Variants in FUT4 observed in about 807,000 individuals in gnomAD.
FUT4 encodes the protein alpha-(1,3)-fucosyltransferase 4.
A neutral mutation model predicts 3.8 loss-of-function variants in FUT4; 1 was observed. The observed-to-expected ratio is 0.26, with a 90% CI of 0.09 to 1.25. The LOEUF (loss-of-function observed/expected upper bound fraction) is 1.25, where lower values mean the gene tolerates loss of function less well. FUT4 is among the 50% of genes most tolerant of loss of function. FUT4 has a pLI of 0.47. For missense variants in FUT4, 880 were observed against 768.2 expected (o/e 1.15, Z -1.72); for synonymous variants, 417 against 355.3 (o/e 1.17, Z -1.95).
Position 94,546,743 on chromosome 11 carries a change from G to A in FUT4, c.*1017G>A, listed in dbSNP as rs566485906. On this transcript the variant is annotated 3_prime_UTR_variant, in exon 1 of 1. Coordinates refer to ENST00000358752, the MANE Select transcript of FUT4 (RefSeq NM_002033.4). ...ACCTGAAATTTAAACTGCAATGCCA[G>A]TCCTGCAGGAGTGCTGGCATTACCC... The A allele has an allele frequency of 1.2e-5, 2 of 167,074 alleles. No individual in the cohort carries two copies. Among genetic ancestry groups the A allele is most frequent in the South Asian group, 4.1e-4 (2 of 4,828 alleles). The allele number at this position is 167,074 out of a possible 1,614,324, so 10.3% of individuals were successfully genotyped here.
Position 94,544,399 on chromosome 11 carries a change from G to A in FUT4, c.266G>A (p.Ser89Asn), listed in dbSNP as rs1947832322. The change falls in exon 1 of 1, where the codon AGC (serine) becomes AAC (asparagine). Residue 89 changes from serine (S) to asparagine (N), a missense_variant. By Grantham distance (46) the Ser-to-Asn change is conservative (BLOSUM62 1). This residue lies in a region of FUT4 where 447 missense variants were observed against 339.5 expected (regional missense o/e 1.32). Coordinates refer to ENST00000358752, the MANE Select transcript of FUT4 (RefSeq NM_002033.4). Reference sequence around the variant, plus strand: ...ACCGCCCCCTTCCATTCCCGGGCCAGCGGCGAGCGGCAGCGACGGCTGGAG... The same window carrying A: ...ACCGCCCCCTTCCATTCCCGGGCCAACGGCGAGCGGCAGCGACGGCTGGAG... Reference protein sequence around the residue: ...SGTAPFHSRASGERQRRLEPQ... With the variant: ...SGTAPFHSRANGERQRRLEPQ... The A allele has an allele frequency of 5.2e-6, 8 of 1,533,818 alleles. No homozygotes were observed. The highest frequency in any genetic ancestry group is 7.0e-6 in the Non-Finnish European group (8 of 1,148,236).
At position 94,549,071 on chromosome 11, in the gene FUT4, A is replaced by C. The variant is rs970124130; in HGVS notation, c.*3345A>C. 1.2e-5 allele frequency: 2 copies of C among 167,060 alleles called. No homozygotes were observed. The highest frequency in any genetic ancestry group is 4.8e-5 in the African/African-American group (2 of 41,450). 10.3% of individuals were successfully genotyped at this position (167,060 alleles called of 1,614,324 possible). A position where few individuals can be genotyped will look rare whatever the true frequency, so the allele number is the denominator to read the frequency against. The stretch of plus-strand genomic sequence containing the variant: ...CCTATCCCCCTACAAAACAAAGATT[A>C]AATGTGATGATGTATGCCAAGGTGC... On this transcript the variant is annotated 3_prime_UTR_variant, in exon 1 of 1. Transcript: ENST00000358752.
In FUT4 at chr11:94,544,057, C is replaced by T; in HGVS notation, c.-77C>T. The stretch of plus-strand genomic sequence containing the variant: ...CCCTCTGGAAGGCGAGGGTTCGGGC[C>T]ACAGTGAGCGAGGGCCAGGGCGGTG... On this transcript the variant is annotated 5_prime_UTR_variant, in exon 1 of 1. Transcript: ENST00000358752. 7.4e-7 allele frequency: 1 copy of T among 1,350,248 alleles called. No individual in the cohort carries two copies. Among genetic ancestry groups the T allele is most frequent in the Non-Finnish European group, 9.5e-7 (1 of 1,050,128 alleles). 83.6% of individuals were successfully genotyped at this position (1,350,248 alleles called of 1,614,324 possible). A position where few individuals can be genotyped will look rare whatever the true frequency, so the allele number is the denominator to read the frequency against.
In FUT4 at chr11:94,544,733, G is replaced by C. The variant is rs759396940; in HGVS notation, c.600G>C (p.Gly200=). The C allele has an allele frequency of 6.4e-6, 10 of 1,558,592 alleles. No homozygotes were observed. Among genetic ancestry groups the C allele is most frequent in the Non-Finnish European group, 8.6e-6 (10 of 1,161,944 alleles). The change falls in exon 1 of 1, where the codon GGG becomes GGC. Residue 200 remains glycine, a synonymous_variant. Transcript: ENST00000358752. Reference sequence around the variant, plus strand: ...TGCTGTGGTGGGAGCCCTTCGGGGGGCGCGATAGCGCCCCGAGGCCGCCCC... The same window carrying C: ...TGCTGTGGTGGGAGCCCTTCGGGGGCCGCGATAGCGCCCCGAGGCCGCCCC... ...GVLLWWEPFG[G]RDSAPRPPPD...
chr11:94,544,758 C>A lies in FUT4; in HGVS notation c.625C>A (p.Pro209Thr). ...GCGCGATAGCGCCCCGAGGCCGCCC[C>A]CTGACTGCCGGCTGCGCTTCAACAT... ...GGRDSAPRPP[P>T]DCRLRFNISG... Residue 209 changes from proline to threonine, a missense_variant, in exon 1 of 1, where the codon CCT becomes ACT. Pro to Thr is a conservative substitution (Grantham distance 38). Coordinates refer to ENST00000358752, the MANE Select transcript of FUT4 (RefSeq NM_002033.4). The A allele has an allele frequency of 6.4e-7, 1 of 1,572,798 alleles. No homozygotes were observed. Among genetic ancestry groups the A allele is most frequent in the Non-Finnish European group, 8.6e-7 (1 of 1,167,522 alleles).
At position 94,544,738 on chromosome 11, in the gene FUT4, A is replaced by G. The variant is rs1266470230; in HGVS notation, c.605A>G (p.Asp202Gly). 7 of 1,559,308 alleles carry G rather than the reference A, an allele frequency of 4.5e-6. No individual in the cohort carries two copies. The highest frequency in any genetic ancestry group is 1.2e-5 in the South Asian group (1 of 86,378). ...TGGTGGGAGCCCTTCGGGGGGCGCG[A>G]TAGCGCCCCGAGGCCGCCCCCTGAC... ...LLWWEPFGGR[D>G]SAPRPPPDCR... The change falls in exon 1 of 1, where the codon GAT (aspartate) becomes GGT (glycine). Residue 202 changes from aspartate to glycine, a missense_variant. Coordinates refer to ENST00000358752, the MANE Select transcript of FUT4 (RefSeq NM_002033.4).
At position 94,545,822 on chromosome 11, in the gene FUT4, AG is replaced by A; in HGVS notation, c.*97del. The A allele has an allele frequency of 7.1e-7, 1 of 1,411,952 alleles. No homozygotes were observed. The highest frequency in any genetic ancestry group is 9.8e-7 in the Non-Finnish European group (1 of 1,020,750). The allele number at this position is 1,411,952 out of a possible 1,614,324, so 87.5% of individuals were successfully genotyped here. ...CCTTGACTGCCGCATCATGGGAGTAAGTTCTTCAAACACCCATTTTTGCTCT... is the reference window on the plus strand; with the variant it reads ...CCTTGACTGCCGCATCATGGGAGTAATTCTTCAAACACCCATTTTTGCTCT... On this transcript the variant is annotated 3_prime_UTR_variant, in exon 1 of 1. Coordinates refer to ENST00000358752, the MANE Select transcript of FUT4 (RefSeq NM_002033.4).
chr11:94,544,885 C>T lies in FUT4; in HGVS notation c.752C>T (p.Pro251Leu), dbSNP rs868141086. ...GTGAAGGGGCCCCCCGACTGGCCCC[C>T]GCCCTGGGGCATCCAGGCGCACACT... Reference protein sequence around the residue: ...DLVKGPPDWPPPWGIQAHTAE... With the variant: ...DLVKGPPDWPLPWGIQAHTAE... The change falls in exon 1 of 1, where the codon CCG becomes CTG. Residue 251 changes from proline (P) to leucine (L), a missense_variant. Coordinates refer to ENST00000358752, the MANE Select transcript of FUT4 (RefSeq NM_002033.4). 1.2e-6 allele frequency: 2 copies of T among 1,609,230 alleles called. No homozygotes were observed. The highest frequency in any genetic ancestry group is 1.7e-4 in the Middle Eastern group (1 of 6,056).
At position 94,544,076 on chromosome 11, in the gene FUT4, G is replaced by A; in HGVS notation, c.-58G>A. 1.5e-6 allele frequency: 2 copies of A among 1,362,174 alleles called. No homozygotes were observed. Among genetic ancestry groups the A allele is most frequent in the Admixed American group, 4.0e-5 (1 of 24,852 alleles). 84.4% of individuals were successfully genotyped at this position (1,362,174 alleles called of 1,614,324 possible). On this transcript the variant is annotated 5_prime_UTR_variant, in exon 1 of 1. Transcript: ENST00000358752. ...TCGGGCCACAGTGAGCGAGGGCCAG[G>A]GCGGTGGGCGCGCGCAGAGGGAAAC...
chr11:94,546,029 G>A lies in FUT4; in HGVS notation c.*303G>A. The stretch of plus-strand genomic sequence containing the variant: ...CAGTGCAGAAATGAAATAGCTTAGC[G>A]GCAAGAAGCCGTTGAGGCGGTTTCC... On this transcript the variant is annotated 3_prime_UTR_variant, in exon 1 of 1. Coordinates refer to ENST00000358752, the MANE Select transcript of FUT4 (RefSeq NM_002033.4). The A allele has an allele frequency of 2.1e-6, 1 of 480,506 alleles. No individual in the cohort carries two copies. The highest frequency in any genetic ancestry group is 4.0e-6 in the Non-Finnish European group (1 of 251,706). 29.8% of individuals were successfully genotyped at this position (480,506 alleles called of 1,614,324 possible).
chr11:94,545,098 C>A lies in FUT4; in HGVS notation c.965C>A (p.Ala322Glu), dbSNP rs762143600. Residue 322 changes from alanine (A) to glutamate (E), a missense_variant, in exon 1 of 1, where the codon GCG (alanine) becomes GAG (glutamate). Coordinates refer to ENST00000358752, the MANE Select transcript of FUT4 (RefSeq NM_002033.4). ...TTCAACTGGACGCTCTCCTACCGGG[C>A]GGACTCGGACGTCTTTGTGCCTTAT... ...NLFNWTLSYR[A>E]DSDVFVPYGY... 3.7e-6 allele frequency: 6 copies of A among 1,612,540 alleles called. No homozygotes were observed. The highest frequency in any genetic ancestry group is 1.6e-4 in the Middle Eastern group (1 of 6,084).
Position 94,544,647 on chromosome 11 carries a change from T to A in FUT4, c.514T>A (p.Trp172Arg). 6.6e-7 allele frequency: 1 copy of A among 1,507,748 alleles called. No homozygotes were observed. The highest frequency in any genetic ancestry group is 8.8e-7 in the Non-Finnish European group (1 of 1,141,796). 93.4% of individuals were successfully genotyped at this position (1,507,748 alleles called of 1,614,324 possible). Reference sequence around the variant, plus strand: ...TACGGCGCTGATCACCTACGCTTGCTGGGGGCAGCTGCCGCCGCTGCCCTG... The same window carrying A: ...TACGGCGCTGATCACCTACGCTTGCAGGGGGCAGCTGCCGCCGCTGCCCTG... The part of the protein sequence containing the change: ...TCTALITYAC[W>R]GQLPPLPWAS... The change falls in exon 1 of 1, where the codon TGG becomes AGG. Residue 172 changes from tryptophan (W) to arginine (R), a missense_variant. Trp to Arg is a moderately radical substitution (Grantham distance 101). Around this residue, in one of 3 missense-constraint regions of FUT4, gnomAD observed 447 missense variants for 339.5 expected, o/e 1.32. Coordinates refer to ENST00000358752, the MANE Select transcript of FUT4 (RefSeq NM_002033.4).
In FUT4 at chr11:94,545,639, G is replaced by A. The variant is rs747020066; in HGVS notation, c.1506G>A (p.Glu502=). 1.2e-6 allele frequency: 2 copies of A among 1,613,042 alleles called. No individual in the cohort carries two copies. Among genetic ancestry groups the A allele is most frequent in the African/African-American group, 1.3e-5 (1 of 75,082 alleles). The change falls in exon 1 of 1, where the codon GAG becomes GAA. Residue 502 remains glutamate, a synonymous_variant. Transcript: ENST00000358752. ...YAVHITSFWD[E]PWCRVCQAVQ... ...TCCACATCACCTCCTTCTGGGACGA[G>A]CCTTGGTGCCGGGTGTGCCAGGCTG...
At position 94,548,143 on chromosome 11, in the gene FUT4, A is replaced by ATAGT. The variant is rs10700556; in HGVS notation, c.*2419_*2420insGTTA. ...TTTTGGTTCGTTTTGGTAAAGCTCT[A>ATAGT]TAAATTGGTATCTATTATTTTACCA... On this transcript the variant is annotated 3_prime_UTR_variant, in exon 1 of 1. Transcript: ENST00000358752. 8,773 of 164,044 alleles carry ATAGT rather than the reference A, an allele frequency of 0.053. 681 individuals carry two copies. The highest frequency in any genetic ancestry group is 0.18 in the African/African-American group (7,259 of 40,524). 10.2% of individuals were successfully genotyped at this position (164,044 alleles called of 1,614,324 possible). A position where few individuals can be genotyped will look rare whatever the true frequency, so the allele number is the denominator to read the frequency against.
rs1947835954 is a variant in FUT4, at chr11:94,544,569, G to A, written c.436G>A (p.Gly146Ser). Residue 146 changes from glycine (G) to serine (S), a missense_variant, in exon 1 of 1, where the codon GGC becomes AGC. Gly to Ser is a moderately conservative substitution (Grantham distance 56). This residue lies in a region of FUT4 where 447 missense variants were observed against 339.5 expected (regional missense o/e 1.32). Transcript: ENST00000358752. ...AAGGRRGWRRGRGLPWTVCVL... is the reference protein window; with the variant it reads ...AAGGRRGWRRSRGLPWTVCVL... Reference sequence around the variant, plus strand: ...GGGCGGGCGGCGCGGGTGGCGCCGAGGCCGGGGGCTGCCATGGACCGTCTG... The same window carrying A: ...GGGCGGGCGGCGCGGGTGGCGCCGAAGCCGGGGGCTGCCATGGACCGTCTG... The A allele has an allele frequency of 7.7e-7, 1 of 1,300,828 alleles. No individual in the cohort carries two copies. The highest frequency in any genetic ancestry group is 9.7e-7 in the Non-Finnish European group (1 of 1,031,788). 80.6% of individuals were successfully genotyped at this position (1,300,828 alleles called of 1,614,324 possible).
In FUT4 at chr11:94,544,018, A is replaced by G; in HGVS notation, c.-116A>G. 1 of 1,310,816 alleles carries G rather than the reference A, an allele frequency of 7.6e-7. No individual in the cohort carries two copies. The highest frequency in any genetic ancestry group is 9.8e-7 in the Non-Finnish European group (1 of 1,022,340). 81.2% of individuals were successfully genotyped at this position (1,310,816 alleles called of 1,614,324 possible). A position where few individuals can be genotyped will look rare whatever the true frequency, so the allele number is the denominator to read the frequency against. ...TCGAGCCTCCTGTACCTTCCCAGGG[A>G]TGAACCGGGCCTTCCCTCTGGAAGG... On this transcript the variant is annotated 5_prime_UTR_variant, in exon 1 of 1. The change abolishes an upstream ATG in the 5' untranslated region. Transcript: ENST00000358752.
chr11:94,544,543 C>CGGG lies in FUT4; in HGVS notation c.411_413dup (p.Gly139dup). 7.8e-7 allele frequency: 1 copy of CGGG among 1,289,336 alleles called. No homozygotes were observed. Among genetic ancestry groups the CGGG allele is most frequent in the Non-Finnish European group, 9.7e-7 (1 of 1,026,014 alleles). The allele number at this position is 1,289,336 out of a possible 1,614,324, so 79.9% of individuals were successfully genotyped here. A position where few individuals can be genotyped will look rare whatever the true frequency, so the allele number is the denominator to read the frequency against. ...CCGTGGGGCTCGCCGACGGCGGCGG[C>CGGG]GGGCGGGCGGCGCGGGTGGCGCCGA... On this transcript the variant is annotated inframe_insertion, in exon 1 of 1. Transcript: ENST00000358752.
At position 94,544,226 on chromosome 11, in the gene FUT4, G is replaced by A. The variant is rs750779535; in HGVS notation, c.93G>A (p.Trp31Ter). ...CGCCGCAGGAGGCTCCCGGGGCCTGGTCGGGCCGGCTGGGCCCCGGGCGCA... is the reference window on the plus strand; with the variant it reads ...CGCCGCAGGAGGCTCCCGGGGCCTGATCGGGCCGGCTGGGCCCCGGGCGCA... ...AEAPQEAPGA[W>*]SGRLGPGRSG... Residue 31 changes from tryptophan (W) to a stop codon, truncating the protein, a stop_gained, in exon 1 of 1, where the codon TGG becomes TGA. Coordinates refer to ENST00000358752, the MANE Select transcript of FUT4 (RefSeq NM_002033.4). LOFTEE classifies it low-confidence loss of function (END_TRUNC). 3.1e-5 allele frequency: 46 copies of A among 1,463,766 alleles called. No homozygotes were observed. Among genetic ancestry groups the A allele is most frequent in the Non-Finnish European group, 4.0e-5 (45 of 1,113,150 alleles). The allele number at this position is 1,463,766 out of a possible 1,614,324, so 90.7% of individuals were successfully genotyped here. A position where few individuals can be genotyped will look rare whatever the true frequency, so the allele number is the denominator to read the frequency against.
In FUT4 at chr11:94,544,141, G is replaced by C; in HGVS notation, c.8G>C (p.Arg3Pro). Reference sequence around the variant, plus strand: ...GAGAATCAAGAGTAGCGGATGAGGCGCTTGTGGGGCGCGGCCCGGAAGCCC... The same window carrying C: ...GAGAATCAAGAGTAGCGGATGAGGCCCTTGTGGGGCGCGGCCCGGAAGCCC... MR[R>P]LWGAARKPSG... The change falls in exon 1 of 1, where the codon CGC becomes CCC. Residue 3 changes from arginine (R) to proline (P), a missense_variant. Arg to Pro is a moderately radical substitution (Grantham distance 103). Transcript: ENST00000358752. 7.2e-7 allele frequency: 1 copy of C among 1,386,316 alleles called. No individual in the cohort carries two copies. The highest frequency in any genetic ancestry group is 9.3e-7 in the Non-Finnish European group (1 of 1,071,968). The allele number at this position is 1,386,316 out of a possible 1,614,324, so 85.9% of individuals were successfully genotyped here.
Sources: gnomAD v4.1 joint callset for allele counts on GRCh38, gnomAD v4.1.1 for gene constraint, gnomAD v4.1.1 regional missense constraint, MANE v1.5 for transcripts, NCBI Gene and HGNC (gene_info 2026-07-23, HGNC 2026-07-21) for gene names.